The following SH3BP4 variants were observed in gnomAD, a reference collection of about 807,000 sequenced individuals.
SH3BP4 encodes the protein SH3 domain-binding protein 4.
Under a neutral mutation model 65.5 loss-of-function variants are expected in SH3BP4, and 33 were observed. The observed-to-expected ratio is 0.50, with a 90% CI of 0.38 to 0.67. The LOEUF (loss-of-function observed/expected upper bound fraction) is 0.67. SH3BP4 is among the 30% of genes least tolerant of loss of function. The pLI, the probability that SH3BP4 is intolerant of heterozygous loss-of-function variation, is 0.00. For synonymous variants in SH3BP4, 552 were observed against 545.5 expected, an observed-to-expected ratio of 1.01 and a Z score of -0.17; for missense variants, 1,134 against 1,261.4, an observed-to-expected ratio of 0.90 and a Z score of 1.53.
chr2:234,988,635 C>T (rs759787351), intron 1 of SH3BP4, among the ~76,000 whole-genome samples: 3 of 152,188 alleles, frequency 2.0e-5, no homozygotes, highest in Non-Finnish European at 2.9e-5. Flanking sequence ...CCGCCTCCTC[C>T]ACCGCCCTGC....
In SH3BP4 at chr2:234,980,898, T is replaced by C. The variant is rs1203399189; in HGVS notation, c.-206-14405T>C. 2.6e-5 allele frequency among the ~76,000 whole-genome samples: 4 copies of C among 152,190 alleles called. No individual in the cohort carries two copies. In the East Asian group the frequency reaches 7.7e-4, roughly 29 times the overall value. ...TGAATTGTAGGAGTGCTTTTCGTTT[T>C]TGTTTTTTTGAGACAGGGTCTCACT... On this transcript the variant is annotated intron_variant, in intron 1 of 5. Transcript: ENST00000392011.
chr2:235,051,186 C>T lies in SH3BP4; in HGVS notation c.2479-1376C>T, dbSNP rs181869887. Among the ~76,000 whole-genome samples the T allele has an allele frequency of 1.2e-3, 179 of 152,298 alleles. 2 individuals are homozygous for T. Among genetic ancestry groups the T allele is most frequent in the Admixed American group, 1.5e-3 (23 of 15,302 alleles). Reference sequence around the variant, plus strand: ...TCATCCTGACTGGCTCAGAGCCACACGCTAACCATGTGTGGCCTCATTTAT... The same window carrying T: ...TCATCCTGACTGGCTCAGAGCCACATGCTAACCATGTGTGGCCTCATTTAT... On this transcript the variant is annotated intron_variant, in intron 4 of 5. Transcript: ENST00000392011.
intron 4 of SH3BP4, among the ~76,000 whole-genome samples, chr2:235,043,816 G>A (rs1287640182): frequency 1.3e-5 from 2 of 152,264 alleles, no homozygotes; most frequent in Non-Finnish European, 2.9e-5. Flanking sequence ...CCGCTGCCTG[G>A]GATATACGTG....
At position 234,952,615 on chromosome 2, in the gene SH3BP4, G is replaced by A. The variant is rs1318891433; in HGVS notation, c.-207+445G>A. ...TGGGGGCCACGGGAGGGCGTGGAGGGGTCGGGGCGCCCCCCTCGAGCGGCG... is the reference window on the plus strand; with the variant it reads ...TGGGGGCCACGGGAGGGCGTGGAGGAGTCGGGGCGCCCCCCTCGAGCGGCG... On this transcript the variant is annotated intron_variant, in intron 1 of 5. Transcript: ENST00000392011. The surrounding 1 kb of genome is among the most constrained non-coding windows in gnomAD (Gnocchi z 6.5). The A allele has an allele frequency of 6.6e-6, 1 of 152,088 alleles. No individual in the cohort carries two copies. Among genetic ancestry groups the A allele is most frequent in the Non-Finnish European group, 1.5e-5 (1 of 68,028 alleles). 9.4% of individuals were successfully genotyped at this position (152,088 alleles called of 1,614,324 possible). A position where few individuals can be genotyped will look rare whatever the true frequency, so the allele number is the denominator to read the frequency against.
chr2:235,052,200 C>G lies in SH3BP4; in HGVS notation c.2479-362C>G, dbSNP rs865905414. Among the ~76,000 whole-genome samples the G allele has an allele frequency of 5.6e-4, 23 of 40,898 alleles. No homozygotes were observed. The highest frequency in any genetic ancestry group is 1.1e-3 in the Admixed American group (5 of 4,680). The allele number at this position is 40,898 out of a possible 152,430, so 26.8% of individuals were successfully genotyped here. A position where few individuals can be genotyped will look rare whatever the true frequency, so the allele number is the denominator to read the frequency against. ...TCACACGGCCTTCTTCTCTCTGCCT[C>G]TCTGTCTGCTTTCTCTTCTTATGAA... On this transcript the variant is annotated intron_variant, in intron 4 of 5. Coordinates refer to ENST00000392011, the MANE Select transcript of SH3BP4 (RefSeq NM_014521.3). This position sits in a 1 kb window ranked among gnomAD's most constrained non-coding sequence, Gnocchi z 5.0.
intron 4 of SH3BP4, among the ~76,000 whole-genome samples, chr2:235,051,609 C>T (rs1397003501): frequency 6.6e-6 from 1 of 152,042 alleles, no homozygotes; most frequent in Non-Finnish European, 1.5e-5. Context: ...ATTGTGGAAA[C>T]CGTTTTCTCA....
At chr2:234,955,669 T>C (rs1692569536) in intron 1 of SH3BP4, among the ~76,000 whole-genome samples, 2 of 152,262 alleles carry the variant, frequency 1.3e-5, no homozygotes, top group African/African-American at 4.8e-5. Context: ...GAACAGTGCC[T>C]CCTGAAGTCA....
intron 2 of SH3BP4, among the ~76,000 whole-genome samples, chr2:235,028,584 G>A (rs1248847346): frequency 2.0e-5 from 3 of 152,196 alleles, no homozygotes; most frequent in Admixed American, 2.0e-4. Context: ...GGGTTTGAGA[G>A]CCAACCATGC....
intron 1 of SH3BP4, among the ~76,000 whole-genome samples, chr2:234,966,708 G>A (rs1692847494): frequency 6.6e-6 from 1 of 152,204 alleles, no homozygotes; most frequent in African/African-American, 2.4e-5. Flanking sequence ...GAGGATGCCT[G>A]TGACTTGGAC....
At chr2:234,988,827 A>G (rs559458747) in intron 1 of SH3BP4, among the ~76,000 whole-genome samples, 2 of 152,292 alleles carry the variant, frequency 1.3e-5, no homozygotes, top group South Asian at 4.1e-4. Flanking sequence ...GGTTTAACAC[A>G]GGAGAGAGGA....
intron 2 of SH3BP4, among the ~76,000 whole-genome samples, chr2:235,025,034 G>A (rs545944626): frequency 4.7e-4 from 71 of 152,218 alleles, no homozygotes; most frequent in African/African-American, 1.6e-3. Flanking sequence ...GAGCTTGGAA[G>A]TATTTCTGGT....
At chr2:234,985,983 G>A (rs1183908892) in intron 1 of SH3BP4, among the ~76,000 whole-genome samples, 1 of 151,994 alleles carries the variant, frequency 6.6e-6, no homozygotes, top group Non-Finnish European at 1.5e-5. Flanking sequence ...CCACAGTGCA[G>A]GTGAACCAGC....
At position 235,034,448 on chromosome 2, in the gene SH3BP4, G is replaced by T. The variant is rs1695305405; in HGVS notation, c.-132-423G>T. On this transcript the variant is annotated intron_variant, in intron 2 of 5. Transcript: ENST00000392011. The surrounding 1 kb of genome is among the most constrained non-coding windows in gnomAD (Gnocchi z 6.2). ...CCGAGTCACCATGATGACTGCCCCT[G>T]CGCTGGGATCAGCCACTCTGAACAA... Among the ~76,000 whole-genome samples the T allele has an allele frequency of 6.6e-6, 1 of 152,150 alleles. No individual in the cohort carries two copies. The highest frequency in any genetic ancestry group is 2.4e-5 in the African/African-American group (1 of 41,438).
intron 2 of SH3BP4, among the ~76,000 whole-genome samples, chr2:235,000,562 C>T (rs575874309): frequency 6.6e-6 from 1 of 152,294 alleles, no homozygotes; most frequent in East Asian, 1.9e-4. Context: ...TGGGCTCGGG[C>T]TCTGATGCTT....
chr2:234,975,166 T>C (rs1693131761), intron 1 of SH3BP4, among the ~76,000 whole-genome samples: 1 of 151,958 alleles, frequency 6.6e-6, no homozygotes, highest in African/African-American at 2.4e-5. Context: ...CATTTTGTGG[T>C]TGGTTGCATT....
chr2:234,982,744 T>C (rs1246474339), intron 1 of SH3BP4, among the ~76,000 whole-genome samples: 2 of 151,856 alleles, frequency 1.3e-5, no homozygotes, highest in East Asian at 1.9e-4. Context: ...TAGGGGAGTT[T>C]GAGGGTGGGG....
intron 2 of SH3BP4, among the ~76,000 whole-genome samples, chr2:235,022,690 C>T (rs1485746756): frequency 1.3e-5 from 2 of 152,082 alleles, no homozygotes; most frequent in Admixed American, 6.5e-5. Context: ...AACTGGACAC[C>T]CGCCGCTGTT....
At position 234,978,701 on chromosome 2, in the gene SH3BP4, C is replaced by G. The variant is rs1693251761; in HGVS notation, c.-206-16602C>G. 6.6e-6 allele frequency: 1 copy of G among 152,212 alleles called. No homozygotes were observed. 9.4% of individuals were successfully genotyped at this position (152,212 alleles called of 1,614,324 possible). ...TTTTCAGTTACCTTAAGAGGGACAA[C>G]TGAAACAGAGACAAGCACCCCAACA... On this transcript the variant is annotated intron_variant, in intron 1 of 5. Coordinates refer to ENST00000392011, the MANE Select transcript of SH3BP4 (RefSeq NM_014521.3). The surrounding 1 kb of genome is among the most constrained non-coding windows in gnomAD (Gnocchi z 4.1).
In SH3BP4 at chr2:234,995,568, C is replaced by T. The variant is rs146013052; in HGVS notation, c.-133+192C>T. On this transcript the variant is annotated intron_variant, in intron 2 of 5. Transcript: ENST00000392011. ...GGCACTGCAGGCCTGTCCCTCATGGCGCTCTCCTCCTGTCCTCGAAGCCCA... is the reference window on the plus strand; with the variant it reads ...GGCACTGCAGGCCTGTCCCTCATGGTGCTCTCCTCCTGTCCTCGAAGCCCA... 2.9e-3 allele frequency: 442 copies of T among 152,416 alleles called. 1 individual carries two copies. Among genetic ancestry groups the T allele is most frequent in the Non-Finnish European group, 3.2e-3 (217 of 68,088 alleles). The allele number at this position is 152,416 out of a possible 1,614,324, so 9.4% of individuals were successfully genotyped here. A position where few individuals can be genotyped will look rare whatever the true frequency, so the allele number is the denominator to read the frequency against.
Sources: allele counts gnomAD v4.1 joint callset (sites outside exome capture counted in the v4.1 genomes callset), GRCh38; gene constraint gnomAD v4.1.1; non-coding constraint Gnocchi (gnomAD v3.1); transcripts MANE v1.5; gene names NCBI Gene and HGNC (gene_info 2026-07-23, HGNC 2026-07-21).